The following FAM222B variants were observed in gnomAD, a reference collection of about 807,000 sequenced individuals.
The protein encoded by FAM222B is family with sequence similarity 222 member B.
FAM222B carries 12 observed loss-of-function variants against 38.0 expected under a neutral mutation model. That is an observed-to-expected ratio of 0.32 (90% confidence interval 0.20 to 0.51). The LOEUF (loss-of-function observed/expected upper bound fraction) is 0.51. Ranked by LOEUF, FAM222B falls within the 20% of genes least tolerant of loss-of-function variation. The probability of loss-of-function intolerance (pLI) is 0.97; values close to 1 mark genes in which losing one functional copy is unlikely to be tolerated. For synonymous variants in FAM222B, 329 were observed against 317.2 expected (o/e 1.04, Z -0.40); for missense variants, 716 against 754.2 (o/e 0.95, Z 0.59).
intron 2 of FAM222B, 144 bp from the exon 3 acceptor site, chr17:28,760,020 GACCCAGCTTCAGTCTTCACATTA>G: frequency 1.2e-5 from 10 of 814,050 alleles, no homozygotes; most frequent in Non-Finnish European, 1.9e-5. Context: ...CTTCATTCGA[GACCCAGCTTCAGTCTTCACATTA>G]ACAAGCACTG....
chr17:28,830,528 A>G (rs2038630119), intron 1 of FAM222B, among the ~76,000 whole-genome samples: 1 of 152,124 alleles, frequency 6.6e-6, no homozygotes, highest in Non-Finnish European at 1.5e-5. Flanking sequence ...TGTGTTGCTT[A>G]TATTTTCATC....
At chr17:28,768,242 T>TA (rs1306587442) in intron 1 of FAM222B, among the ~76,000 whole-genome samples, 1 of 152,152 alleles carries the variant, frequency 6.6e-6, no homozygotes, top group East Asian at 1.9e-4. Flanking sequence ...GCTCAAAAGT[T>TA]AAAGACGACA....
At chr17:28,851,964 A>C (rs2039185057) in intron 1 of FAM222B, among the ~76,000 whole-genome samples, 1 of 151,822 alleles carries the variant, frequency 6.6e-6, no homozygotes, top group Non-Finnish European at 1.5e-5. Context: ...AAATGGGGGA[A>C]TCACCTGAGC....
intron 1 of FAM222B, among the ~76,000 whole-genome samples, chr17:28,797,931 C>A (rs988747349): frequency 1.3e-5 from 2 of 151,858 alleles, no homozygotes; most frequent in Non-Finnish European, 2.9e-5. Flanking sequence ...GTAGTGTGCA[C>A]CTTTGGTCCC....
intron 1 of FAM222B, among the ~76,000 whole-genome samples, chr17:28,776,084 A>C (rs1043531945): frequency 2.0e-5 from 3 of 147,940 alleles, no homozygotes; most frequent in African/African-American, 7.8e-5. Flanking sequence ...TCAAAAAAAA[A>C]AAAAGAAAAA....
chr17:28,824,153 A>C (rs1170811045), intron 1 of FAM222B, among the ~76,000 whole-genome samples: 1 of 151,562 alleles, frequency 6.6e-6, no homozygotes, highest in Non-Finnish European at 1.5e-5. Flanking sequence ...CTGGGATTAA[A>C]GGCGTGAGCC....
chr17:28,843,707 C>T (rs1567912922), upstream of FAM222B, among the ~76,000 whole-genome samples: 1 of 152,070 alleles, frequency 6.6e-6, no homozygotes, highest in African/African-American at 2.4e-5. Flanking sequence ...CCCGGCCTCC[C>T]AAAGTGCTGG....
chr17:28,828,409 C>A (rs1026642171), intron 1 of FAM222B, among the ~76,000 whole-genome samples: 1 of 151,246 alleles, frequency 6.6e-6, no homozygotes, highest in Admixed American at 6.6e-5. Context: ...AAAAAAAATA[C>A]CCACAAAAAA....
chr17:28,784,535 A>T (rs2036311667), intron 1 of FAM222B, among the ~76,000 whole-genome samples: 1 of 137,546 alleles, frequency 7.3e-6, no homozygotes, highest in African/African-American at 2.7e-5. Flanking sequence ...AAAAAAAGGC[A>T]ATAATCATTA....
rs570688241 is a variant in FAM222B, at chr17:28,799,156, G to A, written c.-40-32449C>T. Among the ~76,000 whole-genome samples, 29 of 149,336 alleles carry A rather than the reference G, an allele frequency of 1.9e-4. 1 individual carries two copies. In the Middle Eastern group the frequency reaches 0.011, roughly 56 times the overall value. ...TGCCCAGCTAATTGTTGTATTTTTAGTAGAGACGGGGTTTCACCATGTTGA... is the reference window on the plus strand; with the variant it reads ...TGCCCAGCTAATTGTTGTATTTTTAATAGAGACGGGGTTTCACCATGTTGA... On this transcript the variant is annotated intron_variant, in intron 1 of 2. Transcript: ENST00000581407.
chr17:28,797,652 T>C (rs1597949410), intron 1 of FAM222B, among the ~76,000 whole-genome samples: 1 of 152,200 alleles, frequency 6.6e-6, no homozygotes, highest in East Asian at 1.9e-4. Flanking sequence ...ATCTTACATT[T>C]GTAGGGAGTT....
At chr17:28,767,313 G>A (rs558251662) in intron 1 of FAM222B, among the ~76,000 whole-genome samples, 112 of 152,088 alleles carry the variant, frequency 7.4e-4, no homozygotes, top group Non-Finnish European at 1.4e-3. Context: ...CCGCCACCAC[G>A]CCTGGCTAAT....
chr17:28,784,254 G>A (rs1388235185), intron 1 of FAM222B, among the ~76,000 whole-genome samples: 1 of 151,772 alleles, frequency 6.6e-6, no homozygotes, highest in Non-Finnish European at 1.5e-5. Flanking sequence ...TAGGAAGACT[G>A]CTTGAGGCCA....
At chr17:28,783,587 A>G (rs1183674706) in intron 1 of FAM222B, among the ~76,000 whole-genome samples, 3 of 150,474 alleles carry the variant, frequency 2.0e-5, no homozygotes, top group African/African-American at 7.4e-5. Flanking sequence ...ATCTTGGCTC[A>G]CTGCAACCTC....
chr17:28,767,394 T>C (rs566745950), intron 1 of FAM222B, among the ~76,000 whole-genome samples: 149 of 150,894 alleles, frequency 9.9e-4, no homozygotes, highest in Middle Eastern at 3.5e-3. Context: ...CTGACCTCAG[T>C]TGATCCGCCC....
At chr17:28,852,566 G>C (rs962845659) in intron 1 of FAM222B, among the ~76,000 whole-genome samples, 3 of 151,832 alleles carry the variant, frequency 2.0e-5, no homozygotes, top group African/African-American at 7.3e-5. Flanking sequence ...GCTTGGGTCT[G>C]GGAGGTGGAG....
At position 28,759,100 on chromosome 17, in the gene FAM222B, C is replaced by G. The variant is rs925848897; in HGVS notation, c.859G>C (p.Val287Leu). 6.2e-7 allele frequency: 1 copy of G among 1,611,556 alleles called. No individual in the cohort carries two copies. The highest frequency in any genetic ancestry group is 1.3e-5 in the African/African-American group (1 of 74,892). Reference sequence around the variant, plus strand: ...GGGTTGGCGATCTGGCCCTCACACACTGAGGTAGTGCTGATGCCTGCCCTC... The same window carrying G: ...GGGTTGGCGATCTGGCCCTCACACAGTGAGGTAGTGCTGATGCCTGCCCTC... Reference protein sequence around the residue: ...QTRAGISTTSVCEGQIANPSP... With the variant: ...QTRAGISTTSLCEGQIANPSP... The change falls in exon 3 of 3, where the codon GTG (valine) becomes CTG (leucine). Residue 287 changes from valine (V) to leucine (L), a missense_variant. Physicochemically the swap from Val to Leu is conservative, Grantham distance 32 (BLOSUM62 1). Coordinates refer to ENST00000581407, the MANE Select transcript of FAM222B (RefSeq NM_001077498.3). The surrounding 1 kb of genome is among the most constrained non-coding windows in gnomAD (Gnocchi z 4.8).
At chr17:28,802,270 G>T (rs1269232065) in intron 1 of FAM222B, among the ~76,000 whole-genome samples, 2 of 151,928 alleles carry the variant, frequency 1.3e-5, no homozygotes. Flanking sequence ...ACTAATTTTT[G>T]TATTTTTAGT....
intron 1 of FAM222B, among the ~76,000 whole-genome samples, chr17:28,769,810 AGCCAAACACGCTACCGCT>A: frequency 6.6e-6 from 1 of 152,220 alleles, no homozygotes; most frequent in South Asian, 2.1e-4. Flanking sequence ...TCCTTCAACG[AGCCAAACACGCTACCGCT>A]TTAGGACTTT....
Sources: allele counts gnomAD v4.1 joint callset (sites outside exome capture counted in the v4.1 genomes callset), GRCh38; gene constraint gnomAD v4.1.1; non-coding constraint Gnocchi (gnomAD v3.1); transcripts MANE v1.5; gene names NCBI Gene and HGNC (gene_info 2026-07-23, HGNC 2026-07-21).